Variants in GLIS1 observed in about 807,000 individuals in gnomAD.
GLIS1 encodes the protein zinc finger protein GLIS1.
In GLIS1, 24 loss-of-function variants were observed where a neutral mutation model predicts 63.8. That is an observed-to-expected ratio of 0.38 (90% CI 0.27 to 0.53). The LOEUF (loss-of-function observed/expected upper bound fraction) is 0.53. GLIS1 is among the 20% of genes least tolerant of loss of function. The probability of loss-of-function intolerance (pLI) is 0.85; values close to 1 mark genes in which losing one functional copy is unlikely to be tolerated. For synonymous variants in GLIS1, 450 were observed against 482.5 expected, an observed-to-expected ratio of 0.93 and a Z score of 0.88; for missense variants, 1,036 against 1,074.1, an observed-to-expected ratio of 0.96 and a Z score of 0.50.
intron 2 of GLIS1, among the ~76,000 whole-genome samples, chr1:53,697,341 T>G (rs1646475687): frequency 6.6e-6 from 1 of 152,240 alleles, no homozygotes; most frequent in Non-Finnish European, 1.5e-5. Context: ...GTTCTCACTC[T>G]GCTGCCAACT....
intron 2 of GLIS1, among the ~76,000 whole-genome samples, chr1:53,662,845 C>G (rs1459362970): frequency 1.4e-4 from 21 of 152,212 alleles, no homozygotes; most frequent in Admixed American, 1.3e-3. Flanking sequence ...TGGGCTGAGA[C>G]TGTTCTAAGT....
intron 2 of GLIS1, among the ~76,000 whole-genome samples, chr1:53,709,074 C>T (rs1339993096): frequency 6.6e-6 from 1 of 151,994 alleles, no homozygotes; most frequent in Admixed American, 6.6e-5. Flanking sequence ...CAGTATTTGA[C>T]TTTGGGTACA....
chr1:53,525,351 A>G (rs1355988015), intron 5 of GLIS1, among the ~76,000 whole-genome samples: 1 of 104,270 alleles, frequency 9.6e-6, no homozygotes, highest in Non-Finnish European at 2.0e-5. Context: ...CGCACCTTGC[A>G]GGTAGGTGCA....
In GLIS1 at chr1:53,510,020, G is replaced by A. The variant is rs1644283145; in HGVS notation, c.1891C>T (p.Pro631Ser). 5 of 1,267,836 alleles carry A rather than the reference G, an allele frequency of 3.9e-6. No homozygotes were observed. The highest frequency in any genetic ancestry group is 3.9e-5 in the Admixed American group (1 of 25,872). The allele number at this position is 1,267,836 out of a possible 1,614,324, so 78.5% of individuals were successfully genotyped here. A position where few individuals can be genotyped will look rare whatever the true frequency, so the allele number is the denominator to read the frequency against. ...CTGACTATTGGTGAGAGGAGGCCGG[G>A]CCCCAACCTGGAGAGAACAGAGGTG... ...MAESTRDGLG[P>S]GLLSPIVSPL... Residue 631 changes from proline (P) to serine (S), a missense_variant, in exon 9 of 11, where the codon CCC becomes TCC. By Grantham distance (74) the Pro-to-Ser change is moderately conservative. This residue lies in a region of GLIS1 where 400 missense variants were observed against 400.9 expected (regional missense o/e 1.00). Coordinates refer to ENST00000628545, the MANE Select transcript of GLIS1 (RefSeq NM_001367484.1).
intron 2 of GLIS1, among the ~76,000 whole-genome samples, chr1:53,704,326 G>A (rs1646553946): frequency 6.6e-6 from 1 of 152,232 alleles, no homozygotes. Context: ...CAGGAATAAG[G>A]CAGGCATTAG....
At chr1:53,638,031 T>C (rs1316311104) in intron 2 of GLIS1, among the ~76,000 whole-genome samples, 2 of 152,192 alleles carry the variant, frequency 1.3e-5, no homozygotes, top group South Asian at 4.1e-4. Flanking sequence ...CTGAACGTTA[T>C]AATCCTGAGA....
intron 2 of GLIS1, among the ~76,000 whole-genome samples, chr1:53,709,450 ATGGTGTG>A: frequency 6.7e-6 from 1 of 150,194 alleles, no homozygotes; most frequent in South Asian, 2.1e-4. Context: ...ACACTTGTTG[ATGGTGTG>A]AAGGTGAATG....
rs186556375 is a variant in GLIS1, at chr1:53,733,309, T to C, written c.259+4497A>G. Among the ~76,000 whole-genome samples, 89 of 152,242 alleles carry C rather than the reference T, an allele frequency of 5.8e-4. 1 individual carries two copies. Among genetic ancestry groups the C allele is most frequent in the African/African-American group, 2.0e-3 (84 of 41,528 alleles). ...CATTTTGTTTTTTGTTTTTTGTTTT[T>C]CAGAAAAAGAAGGATGAAGAAAAAT... On this transcript the variant is annotated intron_variant, in intron 2 of 10. Transcript: ENST00000628545.
Position 53,520,682 on chromosome 1 carries a change from C to A in GLIS1, c.1678G>T (p.Ala560Ser). Residue 560 changes from alanine to serine, a missense_variant, in exon 7 of 11, where the codon GCC (alanine) becomes TCC (serine). Physicochemically the swap from Ala to Ser is moderately conservative, Grantham distance 99. Transcript: ENST00000628545. ...QQLHTSTQLA[A>S]SDGKGGCGLG... ...CCACAGCCACCCTTGCCGTCGCTGG[C>A]AGCCAGCTGTGTGGACGTGTGGAGC... is the stretch of plus-strand genomic sequence containing the variant. 6.2e-7 allele frequency: 1 copy of A among 1,609,936 alleles called. No individual in the cohort carries two copies. The highest frequency in any genetic ancestry group is 1.3e-5 in the African/African-American group (1 of 75,034).
chr1:53,534,478 A>T (rs1442730937), intron 4 of GLIS1, among the ~76,000 whole-genome samples: 1 of 151,932 alleles, frequency 6.6e-6, no homozygotes, highest in Non-Finnish European at 1.5e-5. Flanking sequence ...CCCCACTGCA[A>T]GGGCTGAGTG....
At chr1:53,677,659 T>G (rs568510749) in intron 2 of GLIS1, among the ~76,000 whole-genome samples, 1 of 152,360 alleles carries the variant, frequency 6.6e-6, no homozygotes, top group Non-Finnish European at 1.5e-5. Flanking sequence ...TCCCAGGGCC[T>G]GGGCCCCAGT....
intron 2 of GLIS1, among the ~76,000 whole-genome samples, chr1:53,602,593 C>G (rs1645329696): frequency 6.6e-6 from 1 of 152,180 alleles, no homozygotes; most frequent in Non-Finnish European, 1.5e-5. Flanking sequence ...GGGTGGACAG[C>G]CAGCACCTAC....
At chr1:53,632,349 TGGGTGTGTGAATGGGACTGAG>T (rs1645663809) in intron 2 of GLIS1, among the ~76,000 whole-genome samples, 1 of 144,104 alleles carries the variant, frequency 6.9e-6, no homozygotes, top group Non-Finnish European at 1.5e-5. Context: ...GTGTAACAGA[TGGGTGTGTGAATGGGACTGAG>T]GGGTGTGTGA....
intron 2 of GLIS1, among the ~76,000 whole-genome samples, chr1:53,695,248 G>A (rs778347515): frequency 6.6e-6 from 1 of 152,210 alleles, no homozygotes; most frequent in Admixed American, 6.5e-5. Context: ...ATCTCACCTC[G>A]AGAGCTTGCA....
chr1:53,638,516 C>T (rs1405763189), intron 2 of GLIS1, among the ~76,000 whole-genome samples: 3 of 152,190 alleles, frequency 2.0e-5, no homozygotes, highest in Non-Finnish European at 4.4e-5. Context: ...TGAGCCCAGT[C>T]TGTCCTCCCT....
chr1:53,678,053 C>T (rs916588900), intron 2 of GLIS1, among the ~76,000 whole-genome samples: 3 of 152,144 alleles, frequency 2.0e-5, no homozygotes, highest in Admixed American at 6.5e-5. Flanking sequence ...CCACAGTTCC[C>T]TGGCACCACC....
At chr1:53,567,230 G>C (rs1644943496) in intron 4 of GLIS1, among the ~76,000 whole-genome samples, 1 of 152,206 alleles carries the variant, frequency 6.6e-6, no homozygotes, top group Non-Finnish European at 1.5e-5. Flanking sequence ...GAAACTGGTG[G>C]CATTGTTCCC....
Position 53,594,938 on chromosome 1 carries a change from G to A in GLIS1, c.490C>T (p.His164Tyr). The A allele has an allele frequency of 1.8e-5, 26 of 1,484,378 alleles. No homozygotes were observed. The highest frequency in any genetic ancestry group is 2.2e-5 in the Non-Finnish European group (25 of 1,124,890). 92.0% of individuals were successfully genotyped at this position (1,484,378 alleles called of 1,614,324 possible). ...YVNGSLPTTQHIKQESLPDYQ... is the reference protein window; with the variant it reads ...YVNGSLPTTQYIKQESLPDYQ... ...TCGGGCAAGGACTCCTGTTTGATGT[G>A]TTGTGTGGTTGGGAGGCTGCCGTTC... The change falls in exon 4 of 11, where the codon CAC (histidine) becomes TAC (tyrosine). Residue 164 changes from histidine (H) to tyrosine (Y), a missense_variant. This residue lies in a region of GLIS1 where 592 missense variants were observed against 593.9 expected (regional missense o/e 1.00). Transcript: ENST00000628545.
intron 2 of GLIS1, among the ~76,000 whole-genome samples, chr1:53,641,541 C>A (rs1284084301): frequency 6.6e-6 from 1 of 152,178 alleles, no homozygotes; most frequent in African/African-American, 2.4e-5. Context: ...AACTCACTTG[C>A]CCTCTCTGGC....
Sources: gnomAD v4.1 joint callset for allele counts (sites outside exome capture counted in the v4.1 genomes callset) on GRCh38, gnomAD v4.1.1 for gene constraint, gnomAD v4.1.1 regional missense constraint, MANE v1.5 for transcripts, NCBI Gene and HGNC (gene_info 2026-07-23, HGNC 2026-07-21) for gene names.